Variants in GALNTL5 observed in about 807,000 individuals in gnomAD.
GALNTL5 encodes polypeptide N-acetylgalactosaminyltransferase like 5.
A neutral mutation model predicts 51.0 loss-of-function variants in GALNTL5; 44 were observed. That is an observed-to-expected ratio of 0.86 (90% confidence interval 0.68 to 1.11). GALNTL5 has a LOEUF of 1.11. Among genes scored for constraint, GALNTL5 ranks in the 50% least tolerant of loss-of-function variants. The pLI is 0.00. For missense variants in GALNTL5, 528 were observed against 531.8 expected (o/e 0.99, Z 0.07); for synonymous variants, 192 against 182.8 (o/e 1.05, Z -0.41).
intron 8 of GALNTL5, 98 bp downstream of exon 8, chr7:152,014,891 T>C (rs1374807827): frequency 2.6e-6 from 3 of 1,156,298 alleles, no homozygotes; most frequent in Non-Finnish European, 3.6e-6. Context: ...CAGCGTTTGT[T>C]CTGGAGGTCA....
chr7:151,958,173 C>T (rs546258650), intron 1 of GALNTL5, among the ~76,000 whole-genome samples: 73 of 152,330 alleles, frequency 4.8e-4, no homozygotes, highest in African/African-American at 1.7e-3. Context: ...TGGCAGCACC[C>T]GTCCTTGGGC....
intron 4 of GALNTL5, among the ~76,000 whole-genome samples, chr7:151,986,283 C>A (rs2081358356): frequency 6.6e-6 from 1 of 152,134 alleles, no homozygotes; most frequent in African/African-American, 2.4e-5. Flanking sequence ...CATGGTTTTT[C>A]TATTAAAATG....
rs768882644 is a variant in GALNTL5, at chr7:151,971,073, GTC to G, written c.368+16_368+17del. ...AGATACCAGGAGTAAAATGTATGTT[GTC>G]TCTCTCTTTCTCTCATTCTCTAGAT... On this transcript the variant is annotated intron_variant, in intron 3 of 8. Coordinates refer to ENST00000392800, the MANE Select transcript of GALNTL5 (RefSeq NM_145292.4). The G allele has an allele frequency of 1.2e-6, 2 of 1,600,906 alleles. No homozygotes were observed. The highest frequency in any genetic ancestry group is 4.5e-5 in the East Asian group (2 of 44,370).
At position 152,011,614 on chromosome 7, in the gene GALNTL5, C is replaced by T. The variant is rs564724395; in HGVS notation, c.1027-3030C>T. On this transcript the variant is annotated intron_variant, in intron 7 of 8. Transcript: ENST00000392800. ...TCTTAGATATCAATGCCAGTTTAGA[C>T]TCCACCCAAGGTTGCTAAATCTCCT... Among the ~76,000 whole-genome samples the T allele has an allele frequency of 2.6e-5, 4 of 152,350 alleles. No individual in the cohort carries two copies. The South Asian group carries it at 8.3e-4, about 32-fold the overall frequency.
chr7:151,964,981 G>C (rs1468012504), intron 1 of GALNTL5, among the ~76,000 whole-genome samples: 1 of 152,196 alleles, frequency 6.6e-6, no homozygotes, highest in Non-Finnish European at 1.5e-5. Context: ...TATTCTAAGT[G>C]ACACTCTTGG....
At chr7:152,019,131 C>G (rs2081856137) in intron 8 of GALNTL5, among the ~76,000 whole-genome samples, 1 of 152,182 alleles carries the variant, frequency 6.6e-6, no homozygotes, top group Non-Finnish European at 1.5e-5. Context: ...TTGCATGTCC[C>G]TATTAGACTG....
intron 3 of GALNTL5, among the ~76,000 whole-genome samples, chr7:151,977,883 C>T (rs2081227389): frequency 6.6e-6 from 1 of 152,152 alleles, no homozygotes; most frequent in South Asian, 2.1e-4. Flanking sequence ...TAATTACTAT[C>T]ATCTCCGCTA....
intron 5 of GALNTL5, among the ~76,000 whole-genome samples, chr7:151,989,197 T>C (rs1039506576): frequency 6.6e-6 from 1 of 151,944 alleles, no homozygotes; most frequent in Non-Finnish European, 1.5e-5. Context: ...TCACCCAGGA[T>C]GGAGTGCAGT....
intron 5 of GALNTL5, among the ~76,000 whole-genome samples, chr7:151,990,506 G>A (rs1265085399): frequency 4.4e-5 from 6 of 135,334 alleles, no homozygotes; most frequent in Non-Finnish European, 6.2e-5. Context: ...GCGTGAACCC[G>A]GGAGGCGGAG....
intron 8 of GALNTL5, among the ~76,000 whole-genome samples, chr7:152,019,442 G>A (rs555717525): frequency 7.2e-5 from 11 of 152,332 alleles, no homozygotes; most frequent in Admixed American, 2.0e-4. Context: ...GCCATGGCAC[G>A]TGCTGTGAAC....
At chr7:151,973,419 C>T (rs756097006) in intron 3 of GALNTL5, among the ~76,000 whole-genome samples, 2 of 151,818 alleles carry the variant, frequency 1.3e-5, no homozygotes, top group Non-Finnish European at 2.9e-5. Flanking sequence ...AAGCCAAGTT[C>T]ACACCACTGC....
At chr7:151,998,362 G>A (rs1267801090) in intron 5 of GALNTL5, among the ~76,000 whole-genome samples, 1 of 152,126 alleles carries the variant, frequency 6.6e-6, no homozygotes, top group Admixed American at 6.5e-5. Flanking sequence ...ACAAAAAAAT[G>A]TAAAATTGCT....
At chr7:151,979,473 G>A (rs201356331) in intron 3 of GALNTL5, among the ~76,000 whole-genome samples, 2 of 150,054 alleles carry the variant, frequency 1.3e-5, no homozygotes, top group African/African-American at 4.9e-5. Flanking sequence ...TTGGTGGGGG[G>A]AGGGGGGCAG....
intron 7 of GALNTL5, among the ~76,000 whole-genome samples, chr7:152,012,569 A>G (rs950963300): frequency 1.3e-5 from 2 of 152,230 alleles, no homozygotes; most frequent in East Asian, 3.8e-4. Context: ...ATATTACCCA[A>G]AGGAATATAC....
intron 8 of GALNTL5, among the ~76,000 whole-genome samples, chr7:152,016,664 TAATAC>T (rs1222439589): frequency 6.6e-6 from 1 of 152,126 alleles, no homozygotes; most frequent in Non-Finnish European, 1.5e-5. Flanking sequence ...AGCTAAAACT[TAATAC>T]AATACAAATA....
intron 5 of GALNTL5, among the ~76,000 whole-genome samples, chr7:151,992,922 C>T (rs543926341): frequency 6.6e-6 from 1 of 152,280 alleles, no homozygotes; most frequent in South Asian, 2.1e-4. Flanking sequence ...ACCCCACGCA[C>T]ACGCATCGCA....
chr7:151,961,663 T>C (rs6979879), intron 1 of GALNTL5, among the ~76,000 whole-genome samples: 115,469 of 152,132 alleles, frequency 0.76, 44,099 homozygotes, highest in African/African-American at 0.82. Context: ...AGAGCTTGGA[T>C]TTACCTGCAG....
chr7:151,994,466 C>T (rs182728627), intron 5 of GALNTL5, among the ~76,000 whole-genome samples: 116 of 152,154 alleles, frequency 7.6e-4, no homozygotes, highest in Non-Finnish European at 1.3e-3. Context: ...TCCAGTAGGG[C>T]CTGCCGTGAT....
intron 8 of GALNTL5, among the ~76,000 whole-genome samples, chr7:152,017,048 A>AG (rs1554412013): frequency 1.2e-4 from 18 of 151,918 alleles, no homozygotes; most frequent in Non-Finnish European, 2.2e-4. Context: ...CAAAAAAAAA[A>AG]AAAAGAAAAG....
Sources: allele counts gnomAD v4.1 joint callset (sites outside exome capture counted in the v4.1 genomes callset), GRCh38; gene constraint gnomAD v4.1.1; transcripts MANE v1.5; gene names NCBI Gene and HGNC (gene_info 2026-07-23, HGNC 2026-07-21).